The following NRG3 variants were observed in gnomAD, a reference collection of about 807,000 sequenced individuals.
NRG3 encodes the protein pro-neuregulin-3, membrane-bound isoform.
In NRG3, 31 loss-of-function variants were observed where a neutral mutation model predicts 66.9. The ratio of observed to expected loss-of-function variants is 0.46; its 90% confidence interval spans 0.35 to 0.63. The LOEUF is 0.63. Among genes scored for constraint, NRG3 ranks in the 20% least tolerant of loss-of-function variants. The pLI is 0.00. For missense variants in NRG3, 910 were observed against 878.9 expected (o/e 1.04, Z -0.45); for synonymous variants, 393 against 359.4 (o/e 1.09, Z -1.06).
chr10:82,508,764 C>G (rs1402449012), intron 2 of NRG3, among the ~76,000 whole-genome samples: 4 of 152,050 alleles, frequency 2.6e-5, no homozygotes, highest in Admixed American at 2.6e-4. Context: ...TAAGCATAAA[C>G]TGGAACTCTT....
intron 1 of NRG3, among the ~76,000 whole-genome samples, chr10:82,032,468 G>A (rs568958556): frequency 1.3e-5 from 2 of 151,960 alleles, no homozygotes; most frequent in South Asian, 4.2e-4. Context: ...TTTTTTAAAT[G>A]CAATGGAGGG....
At chr10:82,062,861 A>C (rs1424375064) in intron 1 of NRG3, among the ~76,000 whole-genome samples, 2 of 152,184 alleles carry the variant, frequency 1.3e-5, no homozygotes, top group Non-Finnish European at 2.9e-5. Flanking sequence ...CTGTGTATTC[A>C]GAGCATACCT....
intron 2 of NRG3, among the ~76,000 whole-genome samples, chr10:82,727,882 A>C (rs1391332923): frequency 1.3e-5 from 2 of 152,148 alleles, no homozygotes; most frequent in South Asian, 4.2e-4. Flanking sequence ...ATAGGAACCC[A>C]CCTCTCACAT....
At chr10:82,347,261 G>T (rs2083090944) in intron 1 of NRG3, among the ~76,000 whole-genome samples, 1 of 149,006 alleles carries the variant, frequency 6.7e-6, no homozygotes, top group Non-Finnish European at 1.5e-5. Context: ...ATTCTGGTAT[G>T]TTGTGTCTTT....
chr10:82,744,272 G>GA (rs1250104007), intron 3 of NRG3, among the ~76,000 whole-genome samples: 2 of 152,232 alleles, frequency 1.3e-5, no homozygotes, highest in Non-Finnish European at 2.9e-5. Flanking sequence ...GGGATGCTAT[G>GA]AAAAAATACC....
chr10:82,681,964 C>T (rs546827155), intron 2 of NRG3, among the ~76,000 whole-genome samples: 3 of 152,272 alleles, frequency 2.0e-5, no homozygotes, highest in Admixed American at 6.5e-5. Context: ...CTATGGTGGG[C>T]GTAAGCTCAG....
At chr10:82,204,318 T>C (rs368603712) in intron 1 of NRG3, among the ~76,000 whole-genome samples, 2 of 152,218 alleles carry the variant, frequency 1.3e-5, no homozygotes, top group African/African-American at 4.8e-5. Flanking sequence ...TAATGAGGGT[T>C]TGTTAGTTCT....
chr10:81,875,525 G>C lies in NRG3; in HGVS notation c.185G>C (p.Arg62Pro). The C allele has an allele frequency of 6.2e-7, 1 of 1,611,394 alleles. No individual in the cohort carries two copies. Among genetic ancestry groups the C allele is most frequent in the Non-Finnish European group, 8.5e-7 (1 of 1,179,292 alleles). ...LRCSDCIVWNRQQTWLCVVPL... is the reference protein window; with the variant it reads ...LRCSDCIVWNPQQTWLCVVPL... ...TGTAGCGACTGCATCGTGTGGAACC[G>C]GCAGCAGACGTGGCTGTGCGTGGTA... The change falls in exon 1 of 9, where the codon CGG becomes CCG. Residue 62 changes from arginine to proline, a missense_variant. Transcript: ENST00000372141. The surrounding 1 kb of genome is among the most constrained non-coding windows in gnomAD (Gnocchi z 5.3).
At chr10:81,893,696 G>T (rs574603927) in intron 1 of NRG3, among the ~76,000 whole-genome samples, 1 of 152,224 alleles carries the variant, frequency 6.6e-6, no homozygotes, top group South Asian at 2.1e-4. Context: ...TCTCTAATTA[G>T]AAATGAGAAA....
rs1000498325 is a variant in NRG3 at position 82,262,373 on chromosome 10, T to C, written c.824-96366T>C. 3.3e-5 allele frequency among the ~76,000 whole-genome samples: 5 copies of C among 152,304 alleles called. No homozygotes were observed. In the South Asian group the frequency reaches 6.2e-4, roughly 19 times the overall value. ...CCCTACTCTAGCAAAAATGGCCGCA[T>C]ACAGGAAAAAGAGATCATTCTGTTT... On this transcript the variant is annotated intron_variant, in intron 1 of 8. Transcript: ENST00000372141.
intron 1 of NRG3, among the ~76,000 whole-genome samples, chr10:82,076,624 G>C (rs2065106965): frequency 6.6e-6 from 1 of 152,088 alleles, no homozygotes; most frequent in Non-Finnish European, 1.5e-5. Context: ...GTGAGTTCTA[G>C]CTCTGGCAGT....
At chr10:82,281,081 C>A (rs1195253755) in intron 1 of NRG3, among the ~76,000 whole-genome samples, 1 of 152,120 alleles carries the variant, frequency 6.6e-6, no homozygotes, top group African/African-American at 2.4e-5. Context: ...ATGGAAATAA[C>A]CCTGGGATTA....
chr10:82,572,358 A>AAT (rs1215406267), intron 2 of NRG3, among the ~76,000 whole-genome samples: 16 of 151,678 alleles, frequency 1.1e-4, no homozygotes, highest in Non-Finnish European at 1.9e-4. Context: ...TACAAAAAAA[A>AAT]AATCATTATT....
intron 1 of NRG3, among the ~76,000 whole-genome samples, chr10:82,173,763 G>A (rs1007541097): frequency 5.3e-5 from 8 of 150,728 alleles, no homozygotes; most frequent in African/African-American, 1.2e-4. Flanking sequence ...CAACACTTAC[G>A]TACACATAAC....
chr10:82,029,180 G>C lies in NRG3; in HGVS notation c.823+153017G>C, dbSNP rs146668854. 4.8e-3 allele frequency among the ~76,000 whole-genome samples: 729 copies of C among 152,186 alleles called. 4 individuals are homozygous for C. Among genetic ancestry groups the C allele is most frequent in the African/African-American group, 0.016 (674 of 41,532 alleles). ...TCAGAGATCGCATCACTGCATTCCA[G>C]CCTGGGCAACAGAGAGAGACTGCAT... On this transcript the variant is annotated intron_variant, in intron 1 of 8. Transcript: ENST00000372141.
chr10:82,712,334 A>C (rs2134406315), intron 2 of NRG3, among the ~76,000 whole-genome samples: 1 of 152,322 alleles, frequency 6.6e-6, no homozygotes, highest in South Asian at 2.1e-4. Flanking sequence ...TTAACTGTCT[A>C]ATTGAAGTAT....
chr10:82,699,808 C>T (rs1425950899), intron 2 of NRG3, among the ~76,000 whole-genome samples: 2 of 151,978 alleles, frequency 1.3e-5, no homozygotes, highest in Non-Finnish European at 2.9e-5. Flanking sequence ...CAATACTGCA[C>T]AAATAAACAT....
chr10:82,441,176 C>T (rs2090414306), intron 2 of NRG3, among the ~76,000 whole-genome samples: 2 of 152,122 alleles, frequency 1.3e-5, no homozygotes, highest in African/African-American at 4.8e-5. Flanking sequence ...TGCTGGAAAG[C>T]AAGAAATCAG....
chr10:82,709,410 T>A (rs1486917076), intron 2 of NRG3, among the ~76,000 whole-genome samples: 1 of 151,944 alleles, frequency 6.6e-6, no homozygotes, highest in African/African-American at 2.4e-5. Flanking sequence ...TGAGATGGAC[T>A]CTTTCTCTGT....
Sources: gnomAD v4.1 joint callset for allele counts (sites outside exome capture counted in the v4.1 genomes callset) on GRCh38, gnomAD v4.1.1 for gene constraint, Gnocchi (gnomAD v3.1) non-coding constraint, MANE v1.5 for transcripts, NCBI Gene and HGNC (gene_info 2026-07-23, HGNC 2026-07-21) for gene names.